The following NAV3 variants were observed in gnomAD, a reference collection of about 807,000 sequenced individuals.
The protein encoded by NAV3 is neuron navigator 3, also known as pore membrane and/or filament interacting like protein 1.
A neutral mutation model predicts 244.7 loss-of-function variants in NAV3; 87 were observed. That is an observed-to-expected ratio of 0.36 (90% confidence interval 0.30 to 0.42). The LOEUF (loss-of-function observed/expected upper bound fraction) is 0.42, where lower values mean the gene tolerates loss of function less well. NAV3 is among the 20% of genes least tolerant of loss of function. The pLI, the probability that NAV3 is intolerant of heterozygous loss-of-function variation, is 1.00. For missense variants in NAV3, 2,663 were observed against 2,893.3 expected (o/e 0.92, Z 1.83); for synonymous variants, 1,126 against 1,042.2 (o/e 1.08, Z -1.55).
intron 2 of NAV3, among the ~76,000 whole-genome samples, chr12:77,666,071 G>T (rs902554395): frequency 3.3e-5 from 5 of 151,410 alleles, no homozygotes; most frequent in African/African-American, 1.2e-4. Context: ...TAATTTATAT[G>T]TAAAATTTCT....
In NAV3 at chr12:77,998,366, C is replaced by T; in HGVS notation, c.770C>T (p.Ala257Val). ...RLPGPSRVPAAGSSSKVQGAS... is the reference protein window; with the variant it reads ...RLPGPSRVPAVGSSSKVQGAS... ...CCAGGGCCCTCTAGGGTGCCTGCTG[C>T]AGGAAGCAGCAGCAAGGTCCAGGGA... Residue 257 changes from alanine (A) to valine (V), a missense_variant, in exon 7 of 40, where the codon GCA (alanine) becomes GTA (valine). Coordinates refer to ENST00000397909, the MANE Select transcript of NAV3 (RefSeq NM_001024383.2). 6.3e-7 allele frequency: 1 copy of T among 1,599,564 alleles called. No homozygotes were observed. Among genetic ancestry groups the T allele is most frequent in the Non-Finnish European group, 8.5e-7 (1 of 1,173,262 alleles).
chr12:78,107,425 AG>A (rs1349474146), intron 12 of NAV3, among the ~76,000 whole-genome samples: 6 of 152,178 alleles, frequency 3.9e-5, no homozygotes, highest in African/African-American at 4.8e-5. Context: ...AAACGCAAAA[AG>A]GTCTTATACA....
intron 2 of NAV3, among the ~76,000 whole-genome samples, chr12:77,940,682 T>C (rs1428172053): frequency 6.6e-6 from 1 of 152,218 alleles, no homozygotes; most frequent in East Asian, 1.9e-4. Flanking sequence ...ATCATTTGAA[T>C]CGAACTGTCA....
chr12:77,773,231 G>GT (rs11397313), intron 2 of NAV3, among the ~76,000 whole-genome samples: 140,012 of 149,390 alleles, frequency 0.94, 66,207 homozygotes, highest in East Asian at 1. Context: ...TAAAAGCATT[G>GT]TTTTTTTTTT....
chr12:77,884,476 C>T (rs1324052885), intron 1 of NAV3, among the ~76,000 whole-genome samples: 1 of 152,058 alleles, frequency 6.6e-6, no homozygotes, highest in Non-Finnish European at 1.5e-5. Context: ...AACTAAAGGC[C>T]TGAGAATCTG....
intron 2 of NAV3, among the ~76,000 whole-genome samples, chr12:77,810,253 G>T (rs1872218486): frequency 1.3e-5 from 2 of 152,104 alleles, no homozygotes; most frequent in Non-Finnish European, 2.9e-5. Flanking sequence ...CTCACTGCAA[G>T]CTCCGCCTCC....
At chr12:77,669,918 C>A (rs1873888162) in intron 2 of NAV3, among the ~76,000 whole-genome samples, 1 of 151,638 alleles carries the variant, frequency 6.6e-6, no homozygotes, top group African/African-American at 2.4e-5. Flanking sequence ...CAATCCAAAC[C>A]CAAAGCCAGC....
Position 78,050,862 on chromosome 12 carries a change from T to G in NAV3, c.2231T>G (p.Leu744Trp), listed in dbSNP as rs1210058096. Residue 744 changes from leucine to tryptophan, a missense_variant, in exon 11 of 40, where the codon TTG becomes TGG. Leu to Trp is a moderately conservative substitution (Grantham distance 61, BLOSUM62 -2). Coordinates refer to ENST00000397909, the MANE Select transcript of NAV3 (RefSeq NM_001024383.2). ...CGACCCACCCCCATGACCTGGAGGT[T>G]GGGCCAGGCATGTCCGCGACTTCAG... ...TSRPTPMTWR[L>W]GQACPRLQAG... 17 of 1,613,998 alleles carry G rather than the reference T, an allele frequency of 1.1e-5. No homozygotes were observed. The highest frequency in any genetic ancestry group is 1.4e-5 in the Non-Finnish European group (17 of 1,180,038).
rs768588464 is a variant in NAV3 at position 78,140,334 on chromosome 12, A to C, written c.4683A>C (p.Thr1561=). The C allele has an allele frequency of 1.2e-6, 2 of 1,612,000 alleles. No individual in the cohort carries two copies. The highest frequency in any genetic ancestry group is 8.5e-7 in the Non-Finnish European group (1 of 1,178,402). ...CCAGCACTTCTTCTCTTTACTCTACAGTAAGTAATGGCTGTTAAGAAAAAG... is the reference window on the plus strand; with the variant it reads ...CCAGCACTTCTTCTCTTTACTCTACCGTAAGTAATGGCTGTTAAGAAAAAG... ...LVSSTSSLYS[T]AEEKAHSEQI... is the part of the protein sequence containing the mutation. Residue 1561 remains threonine (T), a splice_region_variant and synonymous_variant, in exon 20 of 40, where the codon ACA becomes ACC. Transcript: ENST00000397909.
intron 2 of NAV3, among the ~76,000 whole-genome samples, chr12:77,629,517 T>G (rs1196554858): frequency 6.6e-6 from 1 of 152,208 alleles, no homozygotes; most frequent in Admixed American, 6.5e-5. Context: ...TGTAAAGTTT[T>G]GGGTAATATA....
intron 39 of NAV3, among the ~76,000 whole-genome samples, chr12:78,206,854 C>CTTTTTTTTTTT (rs10594185): frequency 1.4e-4 from 16 of 114,820 alleles, no homozygotes; most frequent in Non-Finnish European, 2.3e-4. Flanking sequence ...TTCTTTCTTA[C>CTTTTTTTTTTT]TTTTTTTTTT....
chr12:78,195,648 T>C (rs1959166806), intron 34 of NAV3, among the ~76,000 whole-genome samples: 1 of 152,000 alleles, frequency 6.6e-6, no homozygotes, highest in Admixed American at 6.6e-5. Flanking sequence ...CTTTATCCTC[T>C]CTCATGGAAT....
intron 12 of NAV3, among the ~76,000 whole-genome samples, chr12:78,067,321 A>G (rs1029271785): frequency 6.6e-6 from 1 of 152,040 alleles, no homozygotes; most frequent in Non-Finnish European, 1.5e-5. Context: ...AGTAAATATA[A>G]TTACTTCATT....
At chr12:77,573,152 C>T (rs144393113) in intron 2 of NAV3, among the ~76,000 whole-genome samples, 159 of 152,240 alleles carry the variant, frequency 1.0e-3, no homozygotes, top group Admixed American at 1.7e-3. Context: ...AGATGTGGAT[C>T]TAAGGGCCAT....
intron 2 of NAV3, among the ~76,000 whole-genome samples, chr12:77,661,916 G>A (rs1274968857): frequency 6.6e-6 from 1 of 151,976 alleles, no homozygotes; most frequent in East Asian, 1.9e-4. Context: ...TATAAAAATT[G>A]CACATTGTCT....
intron 2 of NAV3, among the ~76,000 whole-genome samples, chr12:77,669,223 C>G (rs184859058): frequency 9.9e-4 from 150 of 152,210 alleles, no homozygotes; most frequent in African/African-American, 3.5e-3. Context: ...AACAAATCCT[C>G]AAAATACACC....
At chr12:77,804,247 G>C (rs1871855673) in intron 2 of NAV3, among the ~76,000 whole-genome samples, 1 of 152,106 alleles carries the variant, frequency 6.6e-6, no homozygotes, top group South Asian at 2.1e-4. Flanking sequence ...GAATGGTATT[G>C]CCTAGGTTTT....
intron 1 of NAV3, among the ~76,000 whole-genome samples, chr12:77,855,349 G>T (rs1044206254): frequency 6.6e-6 from 1 of 152,030 alleles, no homozygotes; most frequent in African/African-American, 2.4e-5. Flanking sequence ...CTAAGCTTTT[G>T]TTATTTTTTT....
At chr12:78,094,602 T>C (rs1954133911) in intron 12 of NAV3, among the ~76,000 whole-genome samples, 1 of 152,192 alleles carries the variant, frequency 6.6e-6, no homozygotes, top group Non-Finnish European at 1.5e-5. Context: ...ATTATAAATA[T>C]GTACTATTTT....
Sources: allele counts gnomAD v4.1 joint callset (sites outside exome capture counted in the v4.1 genomes callset), GRCh38; gene constraint gnomAD v4.1.1; transcripts MANE v1.5; gene names NCBI Gene and HGNC (gene_info 2026-07-23, HGNC 2026-07-21).